Variants in LOC400499 observed in about 807,000 individuals in gnomAD.
At chr16:11,518,730 T>C in the LOC400499 span, among the ~76,000 whole-genome samples, 6 of 152,084 alleles carry the variant, frequency 3.9e-5, no homozygotes, top group Admixed American at 3.3e-4. Context: ...AGAAACTTCT[T>C]TGAACTTCAG....
chr16:11,446,135 T>C, the LOC400499 span, among the ~76,000 whole-genome samples: 1 of 150,672 alleles, frequency 6.6e-6, no homozygotes, highest in Non-Finnish European at 1.5e-5. Context: ...AGGAGAACTT[T>C]TTTGTGTGTG....
chr16:11,460,720 G>A, the LOC400499 span: 4 of 1,402,430 alleles, frequency 2.9e-6, no homozygotes, highest in African/African-American at 1.4e-5. Context: ...CACCCCCCAT[G>A]CTTTGCTCCA....
chr16:11,460,733 T>TGTC, the LOC400499 span: 499 of 1,367,128 alleles, frequency 3.6e-4, 3 homozygotes, highest in East Asian at 0.012. Context: ...TTGCTCCACC[T>TGTC]GTCACTCCAT....
At chr16:11,448,041 C>T in the LOC400499 span, 1 of 1,535,846 alleles carries the variant, frequency 6.5e-7, no homozygotes, top group Non-Finnish European at 8.7e-7. Context: ...CACCAATCCG[C>T]ACAGCCGTGA....
At chr16:11,438,133 C>G in the LOC400499 span, among the ~76,000 whole-genome samples, 1 of 152,262 alleles carries the variant, frequency 6.6e-6, no homozygotes, top group Admixed American at 6.5e-5. Context: ...CATGAGGTGA[C>G]CATGAGCTAA....
the LOC400499 span, chr16:11,399,671 T>C: frequency 2.2e-4 from 88 of 398,678 alleles, no homozygotes; most frequent in African/African-American, 1.7e-3. Context: ...GGGGACCCCC[T>C]CACTCGGTGC....
the LOC400499 span, chr16:11,384,309 AAGGCCAGCGGATATGCCTGTGGGGAAG>A: frequency 3.8e-4 from 465 of 1,232,354 alleles, 2 homozygotes; most frequent in Non-Finnish European, 4.2e-4. Flanking sequence ...TGGTGCCCAG[AAGGCCAGCGGATATGCCTGTGGGGAAG>A]AGGGAAGCGG....
chr16:11,504,973 G>C, the LOC400499 span, among the ~76,000 whole-genome samples: 1 of 152,164 alleles, frequency 6.6e-6, no homozygotes, highest in Non-Finnish European at 1.5e-5. Context: ...TTAGTAAGGA[G>C]CTTTTACTAT....
the LOC400499 span, among the ~76,000 whole-genome samples, chr16:11,421,057 C>T: frequency 6.6e-6 from 1 of 152,212 alleles, no homozygotes; most frequent in Admixed American, 6.5e-5. Context: ...CACACCCAGG[C>T]CTGCCTGCTA....
At chr16:11,410,039 G>A in the LOC400499 span, among the ~76,000 whole-genome samples, 1 of 152,226 alleles carries the variant, frequency 6.6e-6, no homozygotes, top group Non-Finnish European at 1.5e-5. Flanking sequence ...AGCTACTCCA[G>A]AGGCTGAGGC....
the LOC400499 span, chr16:11,414,578 G>C: frequency 2.5e-6 from 1 of 399,260 alleles, no homozygotes; most frequent in Non-Finnish European, 4.4e-6. Flanking sequence ...GAACACACCA[G>C]ACTACATGAG....
chr16:11,471,665 G>T, the LOC400499 span: 1 of 399,158 alleles, frequency 2.5e-6, no homozygotes, highest in South Asian at 1.3e-4. Context: ...TGGGGCTGCA[G>T]GGTATAGGCA....
chr16:11,463,374 G>C, the LOC400499 span, among the ~76,000 whole-genome samples: 1 of 149,788 alleles, frequency 6.7e-6, no homozygotes, highest in Non-Finnish European at 1.5e-5. Flanking sequence ...CCACAGATGT[G>C]TGTGCGGATG....
chr16:11,450,593 G>T, the LOC400499 span: 1 of 1,534,934 alleles, frequency 6.5e-7, no homozygotes, highest in Non-Finnish European at 8.7e-7. Flanking sequence ...TATATCGGGG[G>T]CCGAGCACTG....
chr16:11,474,125 T>C, the LOC400499 span, among the ~76,000 whole-genome samples: 1 of 152,190 alleles, frequency 6.6e-6, no homozygotes, highest in African/African-American at 2.4e-5. Context: ...TCCCGAAGTG[T>C]GGGGATTACA....
the LOC400499 span, chr16:11,385,279 C>T: frequency 2.4e-6 from 3 of 1,232,300 alleles, no homozygotes; most frequent in South Asian, 4.1e-5. Flanking sequence ...AGCCCCGAGC[C>T]TGTCCGACTC....
At chr16:11,406,481 G>T in the LOC400499 span, among the ~76,000 whole-genome samples, 4 of 152,100 alleles carry the variant, frequency 2.6e-5, no homozygotes, top group African/African-American at 9.7e-5. Flanking sequence ...CACCCAGGCC[G>T]CAGTGCAACG....
At chr16:11,488,977 C>T in the LOC400499 span, 4 of 396,518 alleles carry the variant, frequency 1.0e-5, no homozygotes, top group East Asian at 3.6e-5. Flanking sequence ...GCAATTCCCA[C>T]GCACGGGGGC....
chr16:11,462,174 T>C, the LOC400499 span: 2 of 1,534,040 alleles, frequency 1.3e-6, no homozygotes, highest in African/African-American at 1.4e-5. Context: ...AAGGCCAGCT[T>C]GCTGCCCACC....
Sources: gnomAD v4.1 joint callset for allele counts (sites outside exome capture counted in the v4.1 genomes callset) on GRCh38, gnomAD v4.1.1 for gene constraint, MANE v1.5 for transcripts.